The following GPR19 variants were observed in gnomAD, a reference collection of about 807,000 sequenced individuals.
GPR19 encodes the protein G protein-coupled receptor 19.
A neutral mutation model predicts 28.5 loss-of-function variants in GPR19; 14 were observed. The ratio of observed to expected loss-of-function variants is 0.49; its 90% CI spans 0.32 to 0.77. The LOEUF is 0.77. GPR19 is among the 30% of genes least tolerant of loss of function. The pLI, the probability that GPR19 is intolerant of heterozygous loss-of-function variation, is 0.03. For synonymous variants in GPR19, 173 were observed against 184.1 expected, an observed-to-expected ratio of 0.94 and a Z score of 0.49; for missense variants, 409 against 504.1, an observed-to-expected ratio of 0.81 and a Z score of 1.81.
chr12:12,674,010 G>A (rs1945895041), intron 3 of GPR19, among the ~76,000 whole-genome samples: 2 of 151,972 alleles, frequency 1.3e-5, no homozygotes, highest in African/African-American at 2.4e-5. Context: ...TCAGGAGTTC[G>A]AGACCAGCCT....
At chr12:12,682,437 A>C (rs1202638186) in intron 3 of GPR19, among the ~76,000 whole-genome samples, 1 of 152,204 alleles carries the variant, frequency 6.6e-6, no homozygotes, top group Non-Finnish European at 1.5e-5. Flanking sequence ...GCACCAGCAG[A>C]ATATGTCATT....
chr12:12,663,342 T>G (rs533208691), intron 3 of GPR19, among the ~76,000 whole-genome samples: 1 of 151,524 alleles, frequency 6.6e-6, no homozygotes, highest in East Asian at 1.9e-4. Flanking sequence ...ACACCTATAG[T>G]CCCAGCTACT....
chr12:12,671,904 G>A (rs1945859334), intron 3 of GPR19, among the ~76,000 whole-genome samples: 1 of 152,048 alleles, frequency 6.6e-6, no homozygotes, highest in Non-Finnish European at 1.5e-5. Flanking sequence ...TGATTTCTGA[G>A]ACCTATTCAT....
At chr12:12,679,994 G>A (rs1479803114) in intron 3 of GPR19, among the ~76,000 whole-genome samples, 1 of 152,004 alleles carries the variant, frequency 6.6e-6, no homozygotes, top group Non-Finnish European at 1.5e-5. Flanking sequence ...ATTTGCTTTT[G>A]CTTTCATTAT....
chr12:12,679,307 T>A (rs1183026302), intron 3 of GPR19, among the ~76,000 whole-genome samples: 4 of 151,426 alleles, frequency 2.6e-5, no homozygotes, highest in African/African-American at 7.3e-5. Context: ...CATTCTACAA[T>A]GGTTTGGGCA....
At chr12:12,707,526 T>C in the GPR19 span, among the ~76,000 whole-genome samples, 1 of 152,210 alleles carries the variant, frequency 6.6e-6, no homozygotes, top group Admixed American at 6.5e-5. Context: ...TGGATAATTA[T>C]TCAGAGAGTT....
chr12:12,710,109 G>A, the GPR19 span, among the ~76,000 whole-genome samples: 1 of 152,098 alleles, frequency 6.6e-6, no homozygotes, highest in Non-Finnish European at 1.5e-5. Context: ...CCCAGCAACT[G>A]GGGAGGCCGA....
At chr12:12,711,357 C>G in the GPR19 span, among the ~76,000 whole-genome samples, 5 of 151,908 alleles carry the variant, frequency 3.3e-5, no homozygotes, top group African/African-American at 1.2e-4. Flanking sequence ...GTCAGGGACC[C>G]AAGTTGAAGG....
intron 3 of GPR19, among the ~76,000 whole-genome samples, chr12:12,675,892 A>G (rs779325420): frequency 1.3e-4 from 20 of 152,242 alleles, no homozygotes; most frequent in Non-Finnish European, 2.6e-4. Flanking sequence ...GACTCTAAGC[A>G]GAGAACTCAG....
chr12:12,685,703 GTTAC>G (rs1946088605), intron 2 of GPR19, among the ~76,000 whole-genome samples: 1 of 152,196 alleles, frequency 6.6e-6, no homozygotes, highest in African/African-American at 2.4e-5. Context: ...CACTGCAATA[GTTAC>G]TCTCCCCATC....
upstream of GPR19, among the ~76,000 whole-genome samples, chr12:12,697,153 T>TAAAAAAAAAAAAAAAA (rs386375639): frequency 3.6e-3 from 174 of 48,844 alleles, 37 homozygotes; most frequent in Non-Finnish European, 4.4e-3. Context: ...TGAAGCGAAG[T>TAAAAAAAAAAAAAAAA]AAAAAAAAAA....
At chr12:12,684,263 A>G (rs1312253423) in intron 3 of GPR19, 88 bp downstream of exon 3, 2 of 152,214 alleles carry the variant, frequency 1.3e-5, no homozygotes, top group Non-Finnish European at 2.9e-5. Flanking sequence ...AGGCAGGACA[A>G]AATCTCCAAA....
At chr12:12,689,828 C>T (rs908721241) in intron 2 of GPR19, among the ~76,000 whole-genome samples, 8 of 152,216 alleles carry the variant, frequency 5.3e-5, no homozygotes, top group Admixed American at 2.6e-4. Context: ...GGATTACTTA[C>T]TCTGGGCAAG....
the GPR19 span, among the ~76,000 whole-genome samples, chr12:12,702,651 TG>T: frequency 6.6e-6 from 1 of 152,226 alleles, no homozygotes; most frequent in African/African-American, 2.4e-5. Context: ...ATTATTTCTC[TG>T]CTTTGAGAAT....
Position 12,679,465 on chromosome 12 carries a change from G to A in GPR19, c.-23+4886C>T, listed in dbSNP as rs532759026. 2.6e-5 allele frequency among the ~76,000 whole-genome samples: 4 copies of A among 151,674 alleles called. No individual in the cohort carries two copies. The East Asian group carries it at 7.7e-4, about 29-fold the overall frequency. On this transcript the variant is annotated intron_variant, in intron 3 of 3. Coordinates refer to ENST00000651487, the MANE Select transcript of GPR19 (RefSeq NM_006143.3). The stretch of plus-strand genomic sequence containing the variant: ...AAAAAAAAATTAGCCGGGCATGGTG[G>A]TGCATGCTTACAGTCCCAGCTCCTT...
chr12:12,675,897 A>G (rs1257210283), intron 3 of GPR19, among the ~76,000 whole-genome samples: 1 of 152,222 alleles, frequency 6.6e-6, no homozygotes, highest in Admixed American at 6.5e-5. Context: ...TAAGCAGAGA[A>G]CTCAGCCAAA....
chr12:12,686,410 A>G (rs540180253), intron 2 of GPR19, among the ~76,000 whole-genome samples: 29 of 152,364 alleles, frequency 1.9e-4, no homozygotes, highest in African/African-American at 6.5e-4. Flanking sequence ...TTATCAAAAA[A>G]GTTAGATATT....
Position 12,678,910 on chromosome 12 carries a change from C to A in GPR19, c.-23+5441G>T, listed in dbSNP as rs561430234. Among the ~76,000 whole-genome samples the A allele has an allele frequency of 1.7e-4, 26 of 152,252 alleles. No individual in the cohort carries two copies. The East Asian group carries it at 4.4e-3, about 26-fold the overall frequency. ...CTCCTGGGTTGGAGAGATTCTTGTG[C>A]GTCAGCTTCATGTGTAACTGGAATT... On this transcript the variant is annotated intron_variant, in intron 3 of 3. Transcript: ENST00000651487.
At chr12:12,687,452 A>G (rs1442705507) in intron 2 of GPR19, among the ~76,000 whole-genome samples, 2 of 152,196 alleles carry the variant, frequency 1.3e-5, no homozygotes, top group East Asian at 1.9e-4. Flanking sequence ...TAGATCCTCA[A>G]CTTCTACAAG....
Sources: allele counts gnomAD v4.1 joint callset (sites outside exome capture counted in the v4.1 genomes callset), GRCh38; gene constraint gnomAD v4.1.1; transcripts MANE v1.5; gene names NCBI Gene and HGNC (gene_info 2026-07-23, HGNC 2026-07-21).